ARID2: variants seen among roughly 807,000 people sequenced by gnomAD.
The protein encoded by ARID2 is AT-rich interaction domain 2.
A neutral mutation model predicts 184.6 loss-of-function variants in ARID2; 32 were observed. The ratio of observed to expected loss-of-function variants is 0.17; its 90% CI spans 0.13 to 0.23. The LOEUF (loss-of-function observed/expected upper bound fraction) is 0.23. ARID2 is among the 10% of genes least tolerant of loss of function. The probability of loss-of-function intolerance (pLI) is 1.00; values close to 1 mark genes in which losing one functional copy is unlikely to be tolerated. For missense variants in ARID2, 1,696 were observed against 2,197.6 expected, an observed-to-expected ratio of 0.77 and a Z score of 4.56; for synonymous variants, 836 against 772.6, an observed-to-expected ratio of 1.08 and a Z score of -1.36.
At chr12:45,801,185 G>C (rs536788676) in intron 3 of ARID2, among the ~76,000 whole-genome samples, 1 of 152,010 alleles carries the variant, frequency 6.6e-6, no homozygotes, top group African/African-American at 2.4e-5. Flanking sequence ...GGTGGTAGGC[G>C]CCCGTAGTCG....
intron 15 of ARID2, among the ~76,000 whole-genome samples, chr12:45,854,840 C>G (rs532836905): frequency 6.6e-6 from 1 of 152,322 alleles, no homozygotes; most frequent in Non-Finnish European, 1.5e-5. Context: ...TATACTAAAG[C>G]AGTTTCTCAT....
intron 3 of ARID2, among the ~76,000 whole-genome samples, chr12:45,740,121 A>C (rs982623991): frequency 6.6e-6 from 1 of 152,208 alleles, no homozygotes; most frequent in Non-Finnish European, 1.5e-5. Context: ...TGTAGTTTAC[A>C]CCATTAAAGA....
At chr12:45,842,418 A>G (rs939393657) in intron 11 of ARID2, among the ~76,000 whole-genome samples, 2 of 151,904 alleles carry the variant, frequency 1.3e-5, no homozygotes, top group African/African-American at 4.8e-5. Context: ...GGTTTTATTA[A>G]TAAATGGTAC....
chr12:45,901,154 A>ATTTTTTTTTTTTTTTTTTTTTTTTT (rs71067909), intron 20 of ARID2, among the ~76,000 whole-genome samples: 3 of 44,974 alleles, frequency 6.7e-5, no homozygotes, highest in Non-Finnish European at 1.1e-4. Context: ...AATTTCCTTA[A>ATTTTTTTTTTTTTTTTTTTTTTTTT]TTTTTTTTTT....
Position 45,851,144 on chromosome 12 carries a change from A to T in ARID2, c.3021A>T (p.Leu1007Phe), listed in dbSNP as rs2138168230. ...CACCTCCTACTGTCAGTCAAATGTT[A>T]TCTGTGAAAAGGCAGCAACAGCAGC... ...QGPPPTVSQMLSVKRQQQQQH... is the reference protein window; with the variant it reads ...QGPPPTVSQMFSVKRQQQQQH... The change falls in exon 15 of 21, where the codon TTA (leucine) becomes TTT (phenylalanine). Residue 1007 changes from leucine to phenylalanine, a missense_variant. Leu to Phe is a conservative substitution (Grantham distance 22). This residue lies in a region of ARID2 where 713 missense variants were observed against 824.4 expected (regional missense o/e 0.86). Coordinates refer to ENST00000334344, the MANE Select transcript of ARID2 (RefSeq NM_152641.4). 2 of 1,614,114 alleles carry T rather than the reference A, an allele frequency of 1.2e-6. No homozygotes were observed. The highest frequency in any genetic ancestry group is 1.7e-6 in the Non-Finnish European group (2 of 1,180,002).
chr12:45,813,682 AGT>A (rs1333275428), intron 4 of ARID2, among the ~76,000 whole-genome samples: 1 of 152,192 alleles, frequency 6.6e-6, no homozygotes, highest in East Asian at 1.9e-4. Context: ...AATAAATTTC[AGT>A]GGTCAGTAGT....
intron 3 of ARID2, among the ~76,000 whole-genome samples, chr12:45,751,005 C>T (rs528813868): frequency 2.6e-5 from 4 of 152,182 alleles, no homozygotes; most frequent in Middle Eastern, 3.4e-3. Flanking sequence ...TAATTGATCA[C>T]GTATCTTGTG....
chr12:45,837,143 A>T, intron 8 of ARID2, 152 bp downstream of exon 8: 12 of 1,214,910 alleles, frequency 9.9e-6, no homozygotes, highest in Non-Finnish European at 1.2e-5. Context: ...GAAGTATCAC[A>T]TACTTTTATG....
chr12:45,813,384 G>A (rs1477874384), intron 4 of ARID2, among the ~76,000 whole-genome samples: 8 of 149,512 alleles, frequency 5.4e-5, no homozygotes, highest in African/African-American at 1.7e-4. Flanking sequence ...AAGCAAATAA[G>A]TCATTAATTT....
intron 16 of ARID2, among the ~76,000 whole-genome samples, chr12:45,888,546 G>C (rs1445816049): frequency 6.6e-6 from 1 of 152,128 alleles, no homozygotes; most frequent in East Asian, 1.9e-4. Flanking sequence ...TTAACAAGAT[G>C]GGCAGGTGAA....
rs1442470967 is a variant in ARID2, at chr12:45,733,982, A to G, written c.284+2668A>G. 2.6e-5 allele frequency among the ~76,000 whole-genome samples: 4 copies of G among 152,254 alleles called. No homozygotes were observed. In the East Asian group the frequency reaches 7.7e-4, roughly 29 times the overall value. On this transcript the variant is annotated intron_variant, in intron 3 of 20. Coordinates refer to ENST00000334344, the MANE Select transcript of ARID2 (RefSeq NM_152641.4). ...CTGCCTGTATCAAAGTTTCTCACCT[A>G]CTCCAGAAATATATACACGTACTGT...
intron 3 of ARID2, among the ~76,000 whole-genome samples, chr12:45,734,436 A>G (rs1049891492): frequency 6.6e-6 from 1 of 152,172 alleles, no homozygotes; most frequent in African/African-American, 2.4e-5. Flanking sequence ...ATGTTTATGC[A>G]CTTTATTTTC....
chr12:45,884,982 C>A (rs1944164217), intron 16 of ARID2, among the ~76,000 whole-genome samples: 1 of 151,996 alleles, frequency 6.6e-6, no homozygotes, highest in Admixed American at 6.6e-5. Flanking sequence ...AATACCAGTA[C>A]TGATTTTCAG....
chr12:45,891,670 G>A (rs1229822679), intron 16 of ARID2, 110 bp from the exon 17 acceptor site: 3 of 1,188,942 alleles, frequency 2.5e-6, no homozygotes, highest in Non-Finnish European at 3.5e-6. Context: ...TACCAAAAGT[G>A]TTCAGTACAA....
At chr12:45,771,784 A>C (rs1358328680) in intron 3 of ARID2, among the ~76,000 whole-genome samples, 2 of 152,058 alleles carry the variant, frequency 1.3e-5, no homozygotes, top group South Asian at 2.1e-4. Flanking sequence ...TTGGCACAAA[A>C]CTACTTAACT....
At chr12:45,848,730 G>A (rs1294231691) in intron 12 of ARID2, 106 bp from the exon 13 acceptor site, 6 of 908,118 alleles carry the variant, frequency 6.6e-6, no homozygotes, top group Non-Finnish European at 9.2e-6. Flanking sequence ...TGATTAGTAG[G>A]TATAATTATT....
At chr12:45,838,626 T>C (rs1240461755) in intron 10 of ARID2, among the ~76,000 whole-genome samples, 3 of 151,866 alleles carry the variant, frequency 2.0e-5, no homozygotes, top group Non-Finnish European at 4.4e-5. Context: ...ATTAACCAGA[T>C]GTAGTGGTGC....
intron 3 of ARID2, chr12:45,756,109 T>A (rs2138001961): frequency 6.6e-6 from 1 of 152,440 alleles, no homozygotes; most frequent in East Asian, 1.9e-4. Context: ...TTTCACCATG[T>A]TGGCCAGGCT....
intron 3 of ARID2, among the ~76,000 whole-genome samples, chr12:45,806,746 G>T (rs1417850771): frequency 6.6e-6 from 1 of 151,844 alleles, no homozygotes; most frequent in Non-Finnish European, 1.5e-5. Context: ...TTTTTGCCTA[G>T]TGTTTTCATC....
Sources: allele counts gnomAD v4.1 joint callset (sites outside exome capture counted in the v4.1 genomes callset), GRCh38; gene constraint gnomAD v4.1.1; regional missense constraint gnomAD v4.1.1; transcripts MANE v1.5; gene names NCBI Gene and HGNC (gene_info 2026-07-23, HGNC 2026-07-21).